PLCL1: variants seen among roughly 807,000 people sequenced by gnomAD.
PLCL1 encodes the protein inactive phospholipase C-like protein 1.
A neutral mutation model predicts 84.4 loss-of-function variants in PLCL1; 41 were observed. The ratio of observed to expected loss-of-function variants is 0.49; its 90% confidence interval spans 0.38 to 0.63. PLCL1 has a LOEUF of 0.63. Ranked by LOEUF, PLCL1 falls within the 30% of genes least tolerant of loss-of-function variation. The pLI, the probability that PLCL1 is intolerant of heterozygous loss-of-function variation, is 0.00. For missense variants in PLCL1, 1,206 were observed against 1,367.8 expected, an observed-to-expected ratio of 0.88 and a Z score of 1.87; for synonymous variants, 490 against 488.3, an observed-to-expected ratio of 1.00 and a Z score of -0.05.
intron 5 of PLCL1, among the ~76,000 whole-genome samples, chr2:198,134,310 G>A (rs937166140): frequency 1.3e-5 from 2 of 152,086 alleles, no homozygotes; most frequent in African/African-American, 4.8e-5. Context: ...GGCACCGAGA[G>A]TGAATATCTC....
intron 1 of PLCL1, among the ~76,000 whole-genome samples, chr2:198,046,249 T>G (rs908663169): frequency 2.0e-5 from 3 of 152,194 alleles, no homozygotes; most frequent in Admixed American, 2.0e-4. Flanking sequence ...TATCTAGCTC[T>G]TTACTGAAAA....
At chr2:198,120,150 G>A (rs547287669) in intron 5 of PLCL1, among the ~76,000 whole-genome samples, 1 of 151,844 alleles carries the variant, frequency 6.6e-6, no homozygotes, top group African/African-American at 2.4e-5. Flanking sequence ...CAACCTCTGG[G>A]GAGTTTCATT....
intron 1 of PLCL1, among the ~76,000 whole-genome samples, chr2:197,985,439 T>C (rs1045059396): frequency 6.6e-6 from 1 of 152,228 alleles, no homozygotes; most frequent in Admixed American, 6.5e-5. Context: ...TCATCTGATA[T>C]TGAATACAGC....
intron 1 of PLCL1, among the ~76,000 whole-genome samples, chr2:197,902,994 T>C (rs1220264667): frequency 6.6e-6 from 1 of 152,194 alleles, no homozygotes; most frequent in African/African-American, 2.4e-5. Flanking sequence ...TTTACAAATA[T>C]GGGGCATTTA....
At chr2:198,130,276 A>G (rs1437580367) in intron 5 of PLCL1, among the ~76,000 whole-genome samples, 3 of 152,080 alleles carry the variant, frequency 2.0e-5, no homozygotes, top group African/African-American at 7.2e-5. Context: ...TTCTTCCTAC[A>G]TCTCTGACTC....
chr2:198,093,055 A>G (rs1177790203), intron 3 of PLCL1, among the ~76,000 whole-genome samples: 1 of 152,172 alleles, frequency 6.6e-6, no homozygotes, highest in East Asian at 1.9e-4. Flanking sequence ...TCCCTATCTT[A>G]TATTTGGCTA....
Position 198,057,286 on chromosome 2 carries a change from C to A in PLCL1, c.241-26472C>A, listed in dbSNP as rs192333035. The stretch of plus-strand genomic sequence containing the variant: ...AGTCTGGGGAACGAGGCATCCTAGG[C>A]TCTTGATGGTGCTGGGTTGAAGGAC... On this transcript the variant is annotated intron_variant, in intron 1 of 5. Coordinates refer to ENST00000428675, the MANE Select transcript of PLCL1 (RefSeq NM_006226.4). Among the ~76,000 whole-genome samples, 12 of 152,156 alleles carry A rather than the reference C, an allele frequency of 7.9e-5. No individual in the cohort carries two copies. In the East Asian group the frequency reaches 2.3e-3, roughly 29 times the overall value.
chr2:198,008,017 A>G (rs564351610), intron 1 of PLCL1, among the ~76,000 whole-genome samples: 1 of 152,150 alleles, frequency 6.6e-6, no homozygotes, highest in Non-Finnish European at 1.5e-5. Context: ...TCATTATTTC[A>G]TTGTTTACTT....
rs1175308685 is a variant in PLCL1, at chr2:197,805,542, A to G, written c.240+203A>G. 2.0e-5 allele frequency among the ~76,000 whole-genome samples: 3 copies of G among 152,074 alleles called. No individual in the cohort carries two copies. The highest frequency in any genetic ancestry group is 4.4e-5 in the Non-Finnish European group (3 of 68,010). On this transcript the variant is annotated intron_variant, in intron 1 of 5. Coordinates refer to ENST00000428675, the MANE Select transcript of PLCL1 (RefSeq NM_006226.4). This position sits in a 1 kb window ranked among gnomAD's most constrained non-coding sequence, Gnocchi z 4.0. ...GACGCACAAGTGACTTTTTCTCCCC[A>G]CTGACGGCAGAGGAAAAGTTCCGCT...
At chr2:198,068,561 A>C (rs1692372075) in intron 1 of PLCL1, among the ~76,000 whole-genome samples, 2 of 152,248 alleles carry the variant, frequency 1.3e-5, no homozygotes, top group Admixed American at 1.3e-4. Context: ...CAGTTTCATC[A>C]ACAAATGGAA....
chr2:197,863,745 C>T (rs1416804462), intron 1 of PLCL1, among the ~76,000 whole-genome samples: 7 of 152,112 alleles, frequency 4.6e-5, no homozygotes, highest in Non-Finnish European at 8.8e-5. Flanking sequence ...TGAGACCAGG[C>T]AGAATCTAGA....
intron 1 of PLCL1, among the ~76,000 whole-genome samples, chr2:197,922,749 C>T (rs1257453220): frequency 2.4e-5 from 3 of 122,634 alleles, no homozygotes; most frequent in South Asian, 2.8e-4. Flanking sequence ...CCTCACCTCC[C>T]GGACGGGGTG....
In PLCL1 at chr2:197,862,074, C is replaced by T. The variant is rs114815497; in HGVS notation, c.240+56735C>T. Among the ~76,000 whole-genome samples, 641 of 152,120 alleles carry T rather than the reference C, an allele frequency of 4.2e-3. 4 individuals are homozygous for T. The highest frequency in any genetic ancestry group is 0.015 in the African/African-American group (618 of 41,496). The stretch of plus-strand genomic sequence containing the variant: ...CCTTTAAGTGATAATTAATTGTCTC[C>T]TTATTGAGTAATTAAATTAATCTGA... On this transcript the variant is annotated intron_variant, in intron 1 of 5. Coordinates refer to ENST00000428675, the MANE Select transcript of PLCL1 (RefSeq NM_006226.4).
chr2:197,950,133 TC>T (rs1427499815), intron 1 of PLCL1, among the ~76,000 whole-genome samples: 2 of 152,166 alleles, frequency 1.3e-5, no homozygotes, highest in Non-Finnish European at 2.9e-5. Flanking sequence ...GGGTTCTCTC[TC>T]TGTTAAAGTG....
chr2:198,112,603 T>G (rs904585720), intron 5 of PLCL1, among the ~76,000 whole-genome samples: 3 of 151,938 alleles, frequency 2.0e-5, no homozygotes, highest in African/African-American at 7.2e-5. Context: ...TACAGCAGAA[T>G]CTATTCTGTG....
intron 1 of PLCL1, among the ~76,000 whole-genome samples, chr2:197,885,861 T>C (rs892783704): frequency 6.6e-6 from 1 of 152,176 alleles, no homozygotes; most frequent in Non-Finnish European, 1.5e-5. Context: ...GCATCATCAG[T>C]GGGGAATGCA....
intron 1 of PLCL1, among the ~76,000 whole-genome samples, chr2:197,840,290 G>A (rs1312754004): frequency 6.6e-6 from 1 of 151,744 alleles, no homozygotes; most frequent in African/African-American, 2.4e-5. Flanking sequence ...CCCCTGTCTG[G>A]TCAGGAAGGC....
At chr2:198,047,955 T>G (rs567946252) in intron 1 of PLCL1, among the ~76,000 whole-genome samples, 1 of 152,226 alleles carries the variant, frequency 6.6e-6, no homozygotes, top group East Asian at 1.9e-4. Flanking sequence ...TTAAGAACCT[T>G]CTGTAGTAGA....
At chr2:198,025,903 G>T (rs908143665) in intron 1 of PLCL1, among the ~76,000 whole-genome samples, 1 of 152,096 alleles carries the variant, frequency 6.6e-6, no homozygotes, top group Admixed American at 6.5e-5. Flanking sequence ...AAACTATTTA[G>T]GTGACTTGCT....
Sources: gnomAD v4.1 joint callset for allele counts (sites outside exome capture counted in the v4.1 genomes callset) on GRCh38, gnomAD v4.1.1 for gene constraint, Gnocchi (gnomAD v3.1) non-coding constraint, MANE v1.5 for transcripts, NCBI Gene and HGNC (gene_info 2026-07-23, HGNC 2026-07-21) for gene names.